The following KRT74 variants were observed in gnomAD, a reference collection of about 807,000 sequenced individuals.
KRT74 encodes keratin 74, also known as keratin, type II cytoskeletal 74.
Under a neutral mutation model 42.7 loss-of-function variants are expected in KRT74, and 43 were observed. The observed-to-expected ratio is 1.01, with a 90% CI of 0.79 to 1.30. The LOEUF (loss-of-function observed/expected upper bound fraction) is 1.30. Among genes scored for constraint, KRT74 ranks in the 50% most tolerant of loss-of-function variants. The probability of loss-of-function intolerance (pLI) is 0.00; values close to 1 mark genes in which losing one functional copy is unlikely to be tolerated. For missense variants in KRT74, 736 were observed against 689.1 expected (o/e 1.07, Z -0.76); for synonymous variants, 302 against 279.0 (o/e 1.08, Z -0.82).
chr12:52,568,050 G>A (rs924197549), intron 7 of KRT74, 119 bp downstream of exon 7: 45 of 1,229,674 alleles, frequency 3.7e-5, no homozygotes, highest in Non-Finnish European at 4.5e-5. Flanking sequence ...CTGAGTTCAC[G>A]AAATCACCAC....
At position 52,570,690 on chromosome 12, in the gene KRT74, G is replaced by A. The variant is rs753295886; in HGVS notation, c.987C>T (p.Ala329=). The A allele has an allele frequency of 1.8e-5, 29 of 1,613,980 alleles. No homozygotes were observed. Among genetic ancestry groups the A allele is most frequent in the East Asian group, 8.9e-5 (4 of 44,880 alleles). The change falls in exon 5 of 9, where the codon GCC becomes GCT. Residue 329 remains alanine (A), a synonymous_variant. Coordinates refer to ENST00000305620, the MANE Select transcript of KRT74 (RefSeq NM_175053.4). ...CCACCTTGGTCTGGTACAGGGCCTC[G>A]GCCTCGGCCTTGCTCTTCAGGGCGA... ...EEIALKSKAE[A]EALYQTKIQE...
intron 8 of KRT74, among the ~76,000 whole-genome samples, 183 bp from the exon 9 acceptor site, chr12:52,567,351 G>A (rs1252018818): frequency 2.6e-5 from 4 of 152,184 alleles, no homozygotes; most frequent in African/African-American, 4.8e-5. Flanking sequence ...CGGACTTCGT[G>A]TGAGGTGAAG....
intron 6 of KRT74, 72 bp from the exon 7 acceptor site, chr12:52,568,461 A>G: frequency 1.3e-6 from 2 of 1,522,066 alleles, no homozygotes; most frequent in Non-Finnish European, 1.8e-6. Flanking sequence ...AAGTAGAACA[A>G]TGCCCTCATT....
In KRT74 at chr12:52,571,979, T is replaced by C; in HGVS notation, c.712A>G (p.Thr238Ala). The C allele has an allele frequency of 1.9e-6, 3 of 1,598,534 alleles. No homozygotes were observed. The highest frequency in any genetic ancestry group is 2.6e-6 in the Non-Finnish European group (3 of 1,166,086). ...ACCACAAACTCATTCTCTGCTGTCG[T>C]GCGCCGGTTAATCTCCACTTCATAT... ...KRYEVEINRR[T>A]TAENEFVVLK... Residue 238 changes from threonine (T) to alanine (A), a missense_variant, in exon 3 of 9, where the codon ACG becomes GCG. Transcript: ENST00000305620.
intron 8 of KRT74, 65 bp downstream of exon 8, chr12:52,567,594 G>T: frequency 1.7e-6 from 2 of 1,148,420 alleles, no homozygotes; most frequent in Admixed American, 1.7e-5. Flanking sequence ...GTAAATGGAG[G>T]TGACATCACT....
At position 52,569,827 on chromosome 12, in the gene KRT74, G is replaced by A. The variant is rs746973484; in HGVS notation, c.1134+32C>T. ...TCCTCATCCCAGAGCCTGCTGTGGA[G>A]ACCGGGAGTTCTTTGTGGGGCTGCT... On this transcript the variant is annotated intron_variant, in intron 6 of 8. Transcript: ENST00000305620. The A allele has an allele frequency of 1.9e-6, 3 of 1,613,740 alleles. No individual in the cohort carries two copies. The African/African-American group carries it at 4.0e-5, about 22-fold the overall frequency.
At chr12:52,569,408 C>A in intron 6 of KRT74, 1 of 504,862 alleles carries the variant, frequency 2.0e-6, no homozygotes, top group Non-Finnish European at 3.5e-6. Flanking sequence ...ACAGAGGCGC[C>A]TGATGCATAC....
intron 3 of KRT74, 52 bp from the exon 4 acceptor site, chr12:52,571,506 G>T: frequency 1.5e-6 from 2 of 1,341,200 alleles, no homozygotes; most frequent in Non-Finnish European, 2.1e-6. Context: ...TCCCACAGCT[G>T]CCCTGCCCAA....
chr12:52,572,870 AACTC>A (rs1939512512), intron 1 of KRT74, among the ~76,000 whole-genome samples: 2 of 152,124 alleles, frequency 1.3e-5, no homozygotes, highest in South Asian at 4.1e-4. Flanking sequence ...CATCACTGAG[AACTC>A]ACTCAAGGAG....
In KRT74 at chr12:52,566,679, G is replaced by A; in HGVS notation, c.*290C>T. 1 of 357,092 alleles carries A rather than the reference G, an allele frequency of 2.8e-6. No individual in the cohort carries two copies. Among genetic ancestry groups the A allele is most frequent in the Non-Finnish European group, 5.0e-6 (1 of 198,204 alleles). 22.1% of individuals were successfully genotyped at this position (357,092 alleles called of 1,614,324 possible). A position where few individuals can be genotyped will look rare whatever the true frequency, so the allele number is the denominator to read the frequency against. ...TTCCCTCTTTCTAGGGATGATCACA[G>A]CTTCCTTAGGGCCAAGAAGGTTATA... On this transcript the variant is annotated 3_prime_UTR_variant, in exon 9 of 9. Transcript: ENST00000305620.
Position 52,571,330 on chromosome 12 carries a change from T to A in KRT74, c.843+29A>T. 3.7e-6 allele frequency: 5 copies of A among 1,344,744 alleles called. No homozygotes were observed. In the Middle Eastern group the frequency reaches 7.2e-4, roughly 193 times the overall value. The allele number at this position is 1,344,744 out of a possible 1,614,324, so 83.3% of individuals were successfully genotyped here. Reference sequence around the variant, plus strand: ...TGGAAGAGTCGGGAAGGAGGCAGGGTGAGGGTGGGGGGACAGGAGTGTCCT... The same window carrying A: ...TGGAAGAGTCGGGAAGGAGGCAGGGAGAGGGTGGGGGGACAGGAGTGTCCT... On this transcript the variant is annotated intron_variant, in intron 4 of 8. Coordinates refer to ENST00000305620, the MANE Select transcript of KRT74 (RefSeq NM_175053.4).
At chr12:52,573,083 C>T (rs1939515827) in intron 1 of KRT74, among the ~76,000 whole-genome samples, 1 of 152,154 alleles carries the variant, frequency 6.6e-6, no homozygotes, top group Non-Finnish European at 1.5e-5. Flanking sequence ...TGCTCTTTAC[C>T]CAGCTTCCCA....
At position 52,570,974 on chromosome 12, in the gene KRT74, GATGTGTCTGC is replaced by G; in HGVS notation, c.844-151_844-142del. The G allele has an allele frequency of 3.1e-6, 3 of 968,812 alleles. No individual in the cohort carries two copies. The South Asian group carries it at 4.2e-5, about 13-fold the overall frequency. 60.0% of individuals were successfully genotyped at this position (968,812 alleles called of 1,614,324 possible). On this transcript the variant is annotated intron_variant, in intron 4 of 8. Transcript: ENST00000305620. ...AGTAGGGGGAAGAAGTGCCCTCTGG[GATGTGTCTGC>G]AGAGCTGAGGGAGAGCAGCTAACAG... is the stretch of plus-strand genomic sequence containing the variant.
intron 2 of KRT74, among the ~76,000 whole-genome samples, chr12:52,572,249 A>G (rs1427095809): frequency 6.6e-6 from 1 of 152,188 alleles, no homozygotes; most frequent in Non-Finnish European, 1.5e-5. Flanking sequence ...CAGTGGGTCA[A>G]GGAGCACAGG....
At chr12:52,572,208 T>C (rs746890331) in intron 2 of KRT74, among the ~76,000 whole-genome samples, 10 of 152,156 alleles carry the variant, frequency 6.6e-5, no homozygotes, top group African/African-American at 1.4e-4. Flanking sequence ...CAGGTGCCTA[T>C]TGGGCTCCCG....
rs769768475 is a variant in KRT74, at chr12:52,570,663, G to T, written c.1008+6C>A. The T allele has an allele frequency of 1.6e-5, 26 of 1,614,108 alleles. No individual in the cohort carries two copies. In the East Asian group the frequency reaches 5.6e-4, roughly 35 times the overall value. ...TGCTGTGGGAGGAGACCCATTCGGT[G>T]ACCACCTTGGTCTGGTACAGGGCCT... On this transcript the variant is annotated splice_donor_region_variant and intron_variant, in intron 5 of 8. Coordinates refer to ENST00000305620, the MANE Select transcript of KRT74 (RefSeq NM_175053.4).
intron 6 of KRT74, chr12:52,569,457 A>T: frequency 1.6e-6 from 1 of 611,274 alleles, no homozygotes; most frequent in Non-Finnish European, 2.9e-6. Flanking sequence ...CAGTGGGAGG[A>T]GGAGACAGAG....
Position 52,567,065 on chromosome 12 carries a change from C to T in KRT74, c.1494G>A (p.Gly498=). 1 of 1,595,136 alleles carries T rather than the reference C, an allele frequency of 6.3e-7. No homozygotes were observed. Among genetic ancestry groups the T allele is most frequent in the Non-Finnish European group, 8.6e-7 (1 of 1,166,334 alleles). The change falls in exon 9 of 9, where the codon GGG becomes GGA. Residue 498 remains glycine (G), a synonymous_variant. Coordinates refer to ENST00000305620, the MANE Select transcript of KRT74 (RefSeq NM_175053.4). ...CTCGCGCCTCTGTGGTCTTGGTCTGCCCGCTCTGGGTGCTGCCAGAGCTGC... is the reference window on the plus strand; with the variant it reads ...CTCGCGCCTCTGTGGTCTTGGTCTGTCCGCTCTGGGTGCTGCCAGAGCTGC... ...VAGSSGSTQS[G]QTKTTEARGG...
intron 1 of KRT74, among the ~76,000 whole-genome samples, chr12:52,573,051 C>T (rs954884514): frequency 6.6e-6 from 1 of 152,234 alleles, no homozygotes; most frequent in African/African-American, 2.4e-5. Context: ...AGAAACTCAT[C>T]ACTTTTTTGT....
Sources: gnomAD v4.1 joint callset for allele counts (sites outside exome capture counted in the v4.1 genomes callset) on GRCh38, gnomAD v4.1.1 for gene constraint, MANE v1.5 for transcripts, NCBI Gene and HGNC (gene_info 2026-07-23, HGNC 2026-07-21) for gene names.